The following SMIM21 variants were observed in gnomAD, a reference collection of about 807,000 sequenced individuals.
The protein encoded by SMIM21 is small integral membrane protein 21.
Under a neutral mutation model 8.6 loss-of-function variants are expected in SMIM21, and 8 were observed. The observed-to-expected ratio is 0.93, with a 90% CI of 0.55 to 1.68. SMIM21 has a LOEUF of 1.68. Among genes scored for constraint, SMIM21 ranks in the 40% most tolerant of loss-of-function variants. SMIM21 has a pLI of 0.00. For synonymous variants in SMIM21, 43 were observed against 41.7 expected, an observed-to-expected ratio of 1.03 and a Z score of -0.12; for missense variants, 132 against 123.0, an observed-to-expected ratio of 1.07 and a Z score of -0.35.
chr18:75,412,115 G>A (rs1432269832), intron 2 of SMIM21, among the ~76,000 whole-genome samples: 2 of 152,160 alleles, frequency 1.3e-5, no homozygotes, highest in Non-Finnish European at 2.9e-5. Context: ...GTCCCCCAAG[G>A]CTTCCTGAGC....
chr18:75,414,075 TCACA>T (rs74180809), intron 2 of SMIM21, among the ~76,000 whole-genome samples: 33 of 126,134 alleles, frequency 2.6e-4, no homozygotes, highest in Middle Eastern at 4.6e-3. Flanking sequence ...TCTCTCTGTC[TCACA>T]CACACACACA....
At chr18:75,412,295 GGAAA>G (rs778367978) in intron 2 of SMIM21, among the ~76,000 whole-genome samples, 4 of 152,072 alleles carry the variant, frequency 2.6e-5, no homozygotes, top group Non-Finnish European at 5.9e-5. Context: ...AAAGAAAGAA[GGAAA>G]GAAAGGAACG....
At chr18:75,424,706 C>T (rs1599109806) in intron 1 of SMIM21, among the ~76,000 whole-genome samples, 1 of 152,186 alleles carries the variant, frequency 6.6e-6, no homozygotes, top group African/African-American at 2.4e-5. Flanking sequence ...GTAGATGTCT[C>T]ATAGTGACAA....
chr18:75,412,265 T>G (rs1490498873), intron 2 of SMIM21, among the ~76,000 whole-genome samples: 1 of 152,166 alleles, frequency 6.6e-6, no homozygotes, highest in Non-Finnish European at 1.5e-5. Flanking sequence ...TAGTTGAGTG[T>G]GGGCAACTTT....
chr18:75,410,557 A>C lies in SMIM21; in HGVS notation c.*307T>G. 2.3e-6 allele frequency: 1 copy of C among 443,044 alleles called. No homozygotes were observed. Among genetic ancestry groups the C allele is most frequent in the South Asian group, 4.9e-5 (1 of 20,332 alleles). The allele number at this position is 443,044 out of a possible 1,614,324, so 27.4% of individuals were successfully genotyped here. Reference sequence around the variant, plus strand: ...AATATGACTACAGGCTTGATGTCCTAATGAAGAAGTTCTTTGCACTGCTGG... The same window carrying C: ...AATATGACTACAGGCTTGATGTCCTCATGAAGAAGTTCTTTGCACTGCTGG... On this transcript the variant is annotated 3_prime_UTR_variant, in exon 3 of 3. Transcript: ENST00000579022.
intron 1 of SMIM21, among the ~76,000 whole-genome samples, chr18:75,421,375 T>C (rs1245120739): frequency 2.6e-5 from 4 of 152,050 alleles, no homozygotes; most frequent in African/African-American, 9.7e-5. Flanking sequence ...TTGGGGGCAG[T>C]GAAACAAAAT....
In SMIM21 at chr18:75,422,487, A is replaced by G. The variant is rs74575840; in HGVS notation, c.130-3571T>C. Among the ~76,000 whole-genome samples, 41 of 152,338 alleles carry G rather than the reference A, an allele frequency of 2.7e-4. No individual in the cohort carries two copies. In the East Asian group the frequency reaches 7.7e-3, roughly 29 times the overall value. ...AGATATACCCAAGAGAAGTAAAAAC[A>G]TATGTCCACACAAAAACTTGTATGC... On this transcript the variant is annotated intron_variant, in intron 1 of 2. Coordinates refer to ENST00000579022, the MANE Select transcript of SMIM21 (RefSeq NM_001037331.3).
chr18:75,415,405 C>A lies in SMIM21; in HGVS notation c.260+3381G>T, dbSNP rs140519204. ...CCTGCTCCAGCGACTGGCTCCCCAG[C>A]CAGAGGGAGAGGTCTCTGCTGCTGG... On this transcript the variant is annotated intron_variant, in intron 2 of 2. Transcript: ENST00000579022. Among the ~76,000 whole-genome samples the A allele has an allele frequency of 1.3e-5, 2 of 152,304 alleles. 1 individual carries two copies. The highest frequency in any genetic ancestry group is 1.3e-4 in the Admixed American group (2 of 15,298).
At chr18:75,418,520 G>C (rs933343247) in intron 2 of SMIM21, among the ~76,000 whole-genome samples, 1 of 152,222 alleles carries the variant, frequency 6.6e-6, no homozygotes, top group African/African-American at 2.4e-5. Context: ...ACCTCAGATA[G>C]AAGGAGGTCG....
intron 1 of SMIM21, among the ~76,000 whole-genome samples, chr18:75,423,877 A>G (rs1354037969): frequency 3.3e-5 from 5 of 152,270 alleles, no homozygotes; most frequent in African/African-American, 9.6e-5. Flanking sequence ...TTTTTTACTA[A>G]TGGCCTTAAT....
At chr18:75,419,361 A>AT (rs978773487) in intron 1 of SMIM21, among the ~76,000 whole-genome samples, 27 of 150,168 alleles carry the variant, frequency 1.8e-4, no homozygotes, top group South Asian at 2.1e-4. Context: ...TCACTGACTG[A>AT]TTTTTTTTTT....
intron 1 of SMIM21, among the ~76,000 whole-genome samples, chr18:75,424,693 G>A (rs1335395274): frequency 1.3e-5 from 2 of 152,170 alleles, no homozygotes; most frequent in Admixed American, 1.3e-4. Context: ...ATATCACATT[G>A]TAGTAGATGT....
intron 2 of SMIM21, among the ~76,000 whole-genome samples, chr18:75,412,174 C>T (rs948021307): frequency 1.3e-5 from 2 of 152,154 alleles, no homozygotes; most frequent in African/African-American, 4.8e-5. Context: ...AGATGAAGCC[C>T]AAATTCTCCA....
chr18:75,414,448 T>G (rs1355517599), intron 2 of SMIM21, among the ~76,000 whole-genome samples: 2 of 152,018 alleles, frequency 1.3e-5, no homozygotes, highest in African/African-American at 4.8e-5. Context: ...GGCTTCCTAC[T>G]TAAGAGGAAC....
rs879394706 is a variant in SMIM21 at position 75,414,114 on chromosome 18, C to T, written c.261-3205G>A. ...ACACACACATACACACACACACACA[C>T]ACACACATACACACACACACACACA... On this transcript the variant is annotated intron_variant, in intron 2 of 2. Transcript: ENST00000579022. 5.2e-3 allele frequency among the ~76,000 whole-genome samples: 735 copies of T among 142,602 alleles called. 7 individuals are homozygous for T. Among genetic ancestry groups the T allele is most frequent in the Admixed American group, 0.027 (375 of 14,146 alleles). 93.6% of individuals were successfully genotyped at this position (142,602 alleles called of 152,430 possible).
At position 75,427,479 on chromosome 18, in the gene SMIM21, G is replaced by GT; in HGVS notation, c.84dup (p.Arg29ThrfsTer17). 6.2e-7 allele frequency: 1 copy of GT among 1,614,002 alleles called. No homozygotes were observed. Among genetic ancestry groups the GT allele is most frequent in the South Asian group, 1.1e-5 (1 of 91,034 alleles). On this transcript the variant is annotated frameshift_variant, in exon 1 of 3. Coordinates refer to ENST00000579022, the MANE Select transcript of SMIM21 (RefSeq NM_001037331.3). LOFTEE classifies it high-confidence loss of function. ...TGCAGCAAATTCCCCTTGAATATCCGTCCCATTCCTGCAGAGTCTTGTTTA... is the reference window on the plus strand; with the variant it reads ...TGCAGCAAATTCCCCTTGAATATCCGTTCCCATTCCTGCAGAGTCTTGTTTA...
rs2024560217 is a variant in SMIM21 at position 75,409,549 on chromosome 18, C to T, written c.*1315G>A. ...AGCTGGTTTCTTTGTGAACACCATC[C>T]ATTCATTGTTGACCTCACTGGGTTC... On this transcript the variant is annotated 3_prime_UTR_variant, in exon 3 of 3. Coordinates refer to ENST00000579022, the MANE Select transcript of SMIM21 (RefSeq NM_001037331.3). 1 of 152,164 alleles carries T rather than the reference C, an allele frequency of 6.6e-6. No individual in the cohort carries two copies. Among genetic ancestry groups the T allele is most frequent in the South Asian group, 2.1e-4 (1 of 4,824 alleles). 9.4% of individuals were successfully genotyped at this position (152,164 alleles called of 1,614,324 possible).
At chr18:75,421,420 C>G (rs1599108102) in intron 1 of SMIM21, among the ~76,000 whole-genome samples, 1 of 151,330 alleles carries the variant, frequency 6.6e-6, no homozygotes, top group East Asian at 1.9e-4. Flanking sequence ...TGCAGGCTCT[C>G]CTGTGGCTCC....
Position 75,410,737 on chromosome 18 carries a change from G to A in SMIM21, c.*127C>T. 1 of 1,512,430 alleles carries A rather than the reference G, an allele frequency of 6.6e-7. No homozygotes were observed. The allele number at this position is 1,512,430 out of a possible 1,614,324, so 93.7% of individuals were successfully genotyped here. ...TTACACGTTCTTCATTCTCTCTGTG[G>A]AGCTCCTTTTAAAAAGTGAGCAATA... is the stretch of plus-strand genomic sequence containing the variant. On this transcript the variant is annotated 3_prime_UTR_variant, in exon 3 of 3. Transcript: ENST00000579022.
Sources: gnomAD v4.1 joint callset for allele counts (sites outside exome capture counted in the v4.1 genomes callset) on GRCh38, gnomAD v4.1.1 for gene constraint, MANE v1.5 for transcripts, NCBI Gene and HGNC (gene_info 2026-07-23, HGNC 2026-07-21) for gene names.